The following PRSS12 variants were observed in gnomAD, a reference collection of about 807,000 sequenced individuals.
PRSS12 encodes the protein serine protease 12.
A neutral mutation model predicts 104.4 loss-of-function variants in PRSS12; 85 were observed. The observed-to-expected ratio is 0.81, with a 90% CI of 0.68 to 0.98. PRSS12 has a LOEUF of 0.98. PRSS12 is among the 50% of genes least tolerant of loss of function. PRSS12 has a pLI of 0.00. For synonymous variants in PRSS12, 454 were observed against 425.2 expected, an observed-to-expected ratio of 1.07 and a Z score of -0.83; for missense variants, 1,141 against 1,139.2, an observed-to-expected ratio of 1.00 and a Z score of -0.02.
Position 118,352,472 on chromosome 4 carries a change from C to T in PRSS12, c.249G>A (p.Gly83=). Residue 83 remains glycine (G), a synonymous_variant, in exon 1 of 13, where the codon GGG becomes GGA. Coordinates refer to ENST00000296498, the MANE Select transcript of PRSS12 (RefSeq NM_003619.4). ...CCCAGGGGTGCGGCCGGGGCGTGTG[C>T]CCGGCCTGGAGGGCGTGCGGGCGCT... ...PAQRPHALQA[G]HTPRPHPWGC... 7.2e-7 allele frequency: 1 copy of T among 1,390,082 alleles called. No homozygotes were observed. The highest frequency in any genetic ancestry group is 9.3e-7 in the Non-Finnish European group (1 of 1,079,394). 86.1% of individuals were successfully genotyped at this position (1,390,082 alleles called of 1,614,324 possible). A position where few individuals can be genotyped will look rare whatever the true frequency, so the allele number is the denominator to read the frequency against.
At chr4:118,292,107 G>GA (rs202027461) in intron 11 of PRSS12, among the ~76,000 whole-genome samples, 8 of 149,364 alleles carry the variant, frequency 5.4e-5, no homozygotes, top group South Asian at 4.2e-4. Flanking sequence ...TCCCATATAT[G>GA]AAAAAAAAAG....
intron 7 of PRSS12, chr4:118,312,948 T>C (rs1400976092): frequency 5.9e-6 from 3 of 509,206 alleles, no homozygotes; most frequent in African/African-American, 5.8e-5. Flanking sequence ...TACAGATGAT[T>C]GTAAACATTG....
At chr4:118,305,511 T>G (rs373196363) in intron 8 of PRSS12, among the ~76,000 whole-genome samples, 54 of 152,188 alleles carry the variant, frequency 3.5e-4, no homozygotes, top group African/African-American at 1.1e-3. Context: ...CTTCTTCAGT[T>G]TGGACATATG....
At chr4:118,331,673 A>G in intron 4 of PRSS12, 43 bp downstream of exon 4, 1 of 1,612,920 alleles carries the variant, frequency 6.2e-7, no homozygotes, top group Non-Finnish European at 8.5e-7. Flanking sequence ...TGGAAATAAT[A>G]AGATTCAAAA....
At chr4:118,312,687 C>G (rs1238495292) in intron 7 of PRSS12, among the ~76,000 whole-genome samples, 4 of 152,004 alleles carry the variant, frequency 2.6e-5, no homozygotes, top group Non-Finnish European at 4.4e-5. Flanking sequence ...GATGGGTGAG[C>G]TATTAACTTT....
intron 11 of PRSS12, among the ~76,000 whole-genome samples, chr4:118,294,538 C>T (rs1184552765): frequency 6.6e-6 from 1 of 152,138 alleles, no homozygotes; most frequent in Non-Finnish European, 1.5e-5. Flanking sequence ...CTCAAAGGTA[C>T]AAGACACCAA....
At chr4:118,317,053 A>C (rs1723461637) in intron 5 of PRSS12, among the ~76,000 whole-genome samples, 1 of 136,502 alleles carries the variant, frequency 7.3e-6, no homozygotes, top group South Asian at 2.4e-4. Flanking sequence ...TCAGAATTTT[A>C]ACTGCAAATG....
At chr4:118,299,488 C>T (rs1189635167) in intron 8 of PRSS12, among the ~76,000 whole-genome samples, 1 of 151,888 alleles carries the variant, frequency 6.6e-6, no homozygotes, top group Non-Finnish European at 1.5e-5. Flanking sequence ...CAAGACCAGC[C>T]TAGCTAACAT....
chr4:118,282,910 C>T lies in PRSS12; in HGVS notation c.2241G>A (p.Leu747=). 6.2e-7 allele frequency: 1 copy of T among 1,614,168 alleles called. No homozygotes were observed. The highest frequency in any genetic ancestry group is 1.1e-5 in the South Asian group (1 of 91,084). ...EQCARFSSHV[L]PACLPLWRER... Reference sequence around the variant, plus strand: ...CTCTCCAGAGTGGTAAACAGGCTGGCAAAACATGGCTGCTGAATCTGGCAC... The same window carrying T: ...CTCTCCAGAGTGGTAAACAGGCTGGTAAAACATGGCTGCTGAATCTGGCAC... The change falls in exon 12 of 13, where the codon TTG becomes TTA. Residue 747 remains leucine (L), a synonymous_variant. Coordinates refer to ENST00000296498, the MANE Select transcript of PRSS12 (RefSeq NM_003619.4).
chr4:118,299,746 T>TAAAATAAATAAAATA (rs372943908), intron 8 of PRSS12, among the ~76,000 whole-genome samples: 6 of 82,432 alleles, frequency 7.3e-5, no homozygotes, highest in African/African-American at 3.1e-4. Flanking sequence ...TAAAATAAAA[T>TAAAATAAATAAAATA]AAATAAAATA....
In PRSS12 at chr4:118,280,496, A is replaced by T. The variant is rs1474349615; in HGVS notation, c.*1440T>A. 1 of 152,284 alleles carries T rather than the reference A, an allele frequency of 6.6e-6. No individual in the cohort carries two copies. The highest frequency in any genetic ancestry group is 1.5e-5 in the Non-Finnish European group (1 of 68,050). 9.4% of individuals were successfully genotyped at this position (152,284 alleles called of 1,614,324 possible). A position where few individuals can be genotyped will look rare whatever the true frequency, so the allele number is the denominator to read the frequency against. On this transcript the variant is annotated 3_prime_UTR_variant, in exon 13 of 13. Coordinates refer to ENST00000296498, the MANE Select transcript of PRSS12 (RefSeq NM_003619.4). ...CCTTTAGGTTTGCACCAGTTATTACAGAAATGGGGATTTGTGAAAAGGATG... is the reference window on the plus strand; with the variant it reads ...CCTTTAGGTTTGCACCAGTTATTACTGAAATGGGGATTTGTGAAAAGGATG...
At chr4:118,285,889 A>G (rs953170252) in intron 11 of PRSS12, among the ~76,000 whole-genome samples, 4 of 152,174 alleles carry the variant, frequency 2.6e-5, no homozygotes, top group African/African-American at 9.7e-5. Flanking sequence ...TCTGTAAGAA[A>G]CAGCTGTGAC....
Position 118,309,077 on chromosome 4 carries a change from G to A in PRSS12, c.1490-500C>T, listed in dbSNP as rs191491834. Among the ~76,000 whole-genome samples, 191 of 150,976 alleles carry A rather than the reference G, an allele frequency of 1.3e-3. 2 individuals are homozygous for A. The highest frequency in any genetic ancestry group is 4.2e-3 in the African/African-American group (174 of 41,108). ...AACTTGATTCAAGTCTAATGCTGGAGGAGGCAAAAAAAAGAAAAGAAAAAG... is the reference window on the plus strand; with the variant it reads ...AACTTGATTCAAGTCTAATGCTGGAAGAGGCAAAAAAAAGAAAAGAAAAAG... On this transcript the variant is annotated intron_variant, in intron 7 of 12. Coordinates refer to ENST00000296498, the MANE Select transcript of PRSS12 (RefSeq NM_003619.4).
chr4:118,305,049 T>C lies in PRSS12; in HGVS notation c.1631+3387A>G, dbSNP rs72921328. On this transcript the variant is annotated intron_variant, in intron 8 of 12. Transcript: ENST00000296498. ...ATTAAAGATTTTTTGTGATTCAAAA[T>C]AGACATGATGAAAAAAAGATCCTCG... is the stretch of plus-strand genomic sequence containing the variant. Among the ~76,000 whole-genome samples the C allele has an allele frequency of 8.0e-3, 1,207 of 151,072 alleles. 18 individuals are homozygous for C. Among genetic ancestry groups the C allele is most frequent in the African/African-American group, 0.028 (1,148 of 41,278 alleles).
At position 118,282,023 on chromosome 4, in the gene PRSS12, C is replaced by G. The variant is rs368413746; in HGVS notation, c.2541G>C (p.Gly847=). ...GAGAATCCTTGACTCCACAGCCATA[C>G]CCCCAGGAGGTCACCCCATACACCA... ...SWVVYGVTSW[G]YGCGVKDSPG... is the part of the protein sequence containing the mutation. The change falls in exon 13 of 13, where the codon GGG becomes GGC. Residue 847 remains glycine (G), a synonymous_variant. Coordinates refer to ENST00000296498, the MANE Select transcript of PRSS12 (RefSeq NM_003619.4). 2 of 1,611,562 alleles carry G rather than the reference C, an allele frequency of 1.2e-6. No individual in the cohort carries two copies. The highest frequency in any genetic ancestry group is 2.7e-5 in the African/African-American group (2 of 74,860).
At position 118,344,713 on chromosome 4, in the gene PRSS12, T is replaced by C. The variant is rs543200672; in HGVS notation, c.503-6399A>G. On this transcript the variant is annotated intron_variant, in intron 1 of 12. Transcript: ENST00000296498. ...CAAAATGAGAGTGCATCCCCTAAGT[T>C]AGCAATTCTACCCATTTACAGTGTG... Among the ~76,000 whole-genome samples the C allele has an allele frequency of 2.0e-5, 3 of 152,316 alleles. 1 individual carries two copies. In the South Asian group the frequency reaches 6.2e-4, roughly 32 times the overall value.
Position 118,283,079 on chromosome 4 carries a change from C to T in PRSS12, c.2072G>A (p.Arg691Lys). Residue 691 changes from arginine (R) to lysine (K), a missense_variant, in exon 12 of 13, where the codon AGG becomes AAG. Coordinates refer to ENST00000296498, the MANE Select transcript of PRSS12 (RefSeq NM_003619.4). ...YGNSTRSYAV[R>K]VGDYHTLVPE... ...TACCAGAGTATGATAATCTCCAACC[C>T]TAACAGCATAGCTCCTAGTGCTGTT... 6.2e-7 allele frequency: 1 copy of T among 1,614,212 alleles called. No homozygotes were observed. Among genetic ancestry groups the T allele is most frequent in the Non-Finnish European group, 8.5e-7 (1 of 1,180,042 alleles).
At position 118,352,790 on chromosome 4, in the gene PRSS12, G is replaced by A; in HGVS notation, c.-70C>T. On this transcript the variant is annotated 5_prime_UTR_variant, in exon 1 of 13. Coordinates refer to ENST00000296498, the MANE Select transcript of PRSS12 (RefSeq NM_003619.4). ...GGCTTGGAGCGGAGAAGAGGAGGGGGCGGGGGCGGGGCTGCCGCGTCCCTC... is the reference window on the plus strand; with the variant it reads ...GGCTTGGAGCGGAGAAGAGGAGGGGACGGGGGCGGGGCTGCCGCGTCCCTC... 1 of 1,586,818 alleles carries A rather than the reference G, an allele frequency of 6.3e-7. No homozygotes were observed.
chr4:118,293,605 A>G (rs141153596), intron 11 of PRSS12, among the ~76,000 whole-genome samples: 8 of 152,338 alleles, frequency 5.3e-5, no homozygotes, highest in African/African-American at 1.4e-4. Context: ...CAAATAGCCC[A>G]ATACAAAAAC....
Sources: allele counts gnomAD v4.1 joint callset (sites outside exome capture counted in the v4.1 genomes callset), GRCh38; gene constraint gnomAD v4.1.1; transcripts MANE v1.5; gene names NCBI Gene and HGNC (gene_info 2026-07-23, HGNC 2026-07-21).